Variants in RBFOX1 observed in about 807,000 individuals in gnomAD.
RBFOX1 encodes the protein RNA binding protein fox-1 homolog 1.
In RBFOX1, 8 loss-of-function variants were observed where a neutral mutation model predicts 57.7. That is an observed-to-expected ratio of 0.14 (90% confidence interval 0.08 to 0.25). The LOEUF (loss-of-function observed/expected upper bound fraction) is 0.25, where lower values mean the gene tolerates loss of function less well. RBFOX1 is among the 10% of genes least tolerant of loss of function. RBFOX1 has a pLI of 1.00. For synonymous variants in RBFOX1, 326 were observed against 222.4 expected (o/e 1.47, Z -4.15); for missense variants, 611 against 548.5 (o/e 1.11, Z -1.14).
chr16:6,579,942 A>T (rs1273896651), intron 2 of RBFOX1, among the ~76,000 whole-genome samples: 1 of 151,784 alleles, frequency 6.6e-6, no homozygotes, highest in African/African-American at 2.4e-5. Flanking sequence ...GGACCTGTTC[A>T]TCTTTTTTTT....
At chr16:6,315,841 C>T (rs1434686188) in intron 1 of RBFOX1, among the ~76,000 whole-genome samples, 2 of 152,020 alleles carry the variant, frequency 1.3e-5, no homozygotes, top group Non-Finnish European at 2.9e-5. Context: ...AATTTATCAA[C>T]AAGAGGGGAC....
chr16:7,379,953 C>T (rs1227653144), intron 4 of RBFOX1, among the ~76,000 whole-genome samples: 1 of 152,168 alleles, frequency 6.6e-6, no homozygotes, highest in African/African-American at 2.4e-5. Flanking sequence ...CTCCTGGGTT[C>T]AAGCACAATC....
chr16:6,864,143 G>C (rs939388687), intron 3 of RBFOX1, among the ~76,000 whole-genome samples: 2 of 152,026 alleles, frequency 1.3e-5, no homozygotes, highest in Non-Finnish European at 2.9e-5. Flanking sequence ...GGAAGAAGGA[G>C]GGGTCATTTC....
In RBFOX1 at chr16:6,049,485, A is replaced by G. The variant is rs77083566; in HGVS notation, c.-127+29493A>G. On this transcript the variant is annotated intron_variant, in intron 1 of 15. Transcript: ENST00000550418. Reference sequence around the variant, plus strand: ...CTGGCCACTCTCCCTCTCTAGTCTCATGCTACTAGTCTTAAGCAAATACCA... The same window carrying G: ...CTGGCCACTCTCCCTCTCTAGTCTCGTGCTACTAGTCTTAAGCAAATACCA... Among the ~76,000 whole-genome samples, 13 of 152,292 alleles carry G rather than the reference A, an allele frequency of 8.5e-5. No individual in the cohort carries two copies. In the East Asian group the frequency reaches 2.5e-3, roughly 29 times the overall value.
intron 4 of RBFOX1, among the ~76,000 whole-genome samples, chr16:7,095,200 G>T (rs1479167866): frequency 6.6e-6 from 1 of 152,050 alleles, no homozygotes; most frequent in Non-Finnish European, 1.5e-5. Context: ...GCAGTGGCAC[G>T]ATCTCAGCTC....
intron 4 of RBFOX1, among the ~76,000 whole-genome samples, chr16:5,970,858 C>G (rs545886084): frequency 1.3e-5 from 2 of 152,308 alleles, no homozygotes; most frequent in East Asian, 1.9e-4. Context: ...TTCATTCTCT[C>G]TTAGGATTGG....
At chr16:7,647,087 CTT>C (rs1555711966) in intron 11 of RBFOX1, among the ~76,000 whole-genome samples, 1 of 152,188 alleles carries the variant, frequency 6.6e-6, no homozygotes, top group Non-Finnish European at 1.5e-5. Context: ...CAGCGTGCCT[CTT>C]GTTACATCCC....
At chr16:6,597,633 C>T (rs1003235009) in intron 2 of RBFOX1, among the ~76,000 whole-genome samples, 1 of 152,058 alleles carries the variant, frequency 6.6e-6, no homozygotes, top group Non-Finnish European at 1.5e-5. Flanking sequence ...GAGATAGCAC[C>T]ATTGCACTCC....
At chr16:5,589,191 C>G (rs576528693) in intron 2 of RBFOX1, among the ~76,000 whole-genome samples, 2 of 152,260 alleles carry the variant, frequency 1.3e-5, no homozygotes, top group East Asian at 3.9e-4. Flanking sequence ...CCTATCTGCA[C>G]TTGGCCACAT....
chr16:5,548,435 A>C (rs2045325486), intron 2 of RBFOX1, among the ~76,000 whole-genome samples: 1 of 151,886 alleles, frequency 6.6e-6, no homozygotes, highest in Non-Finnish European at 1.5e-5. Context: ...AAGACCACCT[A>C]TTTGGTAGCA....
chr16:7,285,239 G>C (rs2095626401), intron 4 of RBFOX1, among the ~76,000 whole-genome samples: 1 of 152,002 alleles, frequency 6.6e-6, no homozygotes, highest in African/African-American at 2.4e-5. Context: ...ATAATACAGA[G>C]AGTTCCAATG....
intron 4 of RBFOX1, among the ~76,000 whole-genome samples, chr16:7,073,889 G>A (rs760584975): frequency 6.8e-6 from 1 of 148,024 alleles, no homozygotes; most frequent in Non-Finnish European, 1.5e-5. Context: ...TACTAGATGT[G>A]TAGAAAAGAA....
At chr16:7,580,701 C>T (rs1602398225) in intron 6 of RBFOX1, among the ~76,000 whole-genome samples, 1 of 152,170 alleles carries the variant, frequency 6.6e-6, no homozygotes, top group Admixed American at 6.5e-5. Context: ...GATATCTTCA[C>T]TATCCACTTT....
intron 3 of RBFOX1, among the ~76,000 whole-genome samples, chr16:5,797,979 C>G (rs904038828): frequency 6.6e-6 from 1 of 152,188 alleles, no homozygotes; most frequent in Admixed American, 6.5e-5. Flanking sequence ...TTCTTTCAAA[C>G]AGTATTTGTA....
chr16:5,307,771 T>A (rs929444583), intron 1 of RBFOX1, among the ~76,000 whole-genome samples: 2 of 152,176 alleles, frequency 1.3e-5, no homozygotes, highest in Non-Finnish European at 2.9e-5. Flanking sequence ...AATCCAGGGC[T>A]TAAGCAATCC....
At chr16:5,744,352 A>G (rs893446067) in intron 3 of RBFOX1, among the ~76,000 whole-genome samples, 2 of 152,070 alleles carry the variant, frequency 1.3e-5, no homozygotes, top group African/African-American at 2.4e-5. Context: ...TTATTTATCT[A>G]TTTCCATAGC....
chr16:6,441,656 G>A (rs2094385193), intron 2 of RBFOX1, among the ~76,000 whole-genome samples: 1 of 152,142 alleles, frequency 6.6e-6, no homozygotes, highest in African/African-American at 2.4e-5. Context: ...CACCTCAGGT[G>A]ATCCACCCAC....
At chr16:6,803,351 C>G (rs77964996) in intron 3 of RBFOX1, among the ~76,000 whole-genome samples, 4,409 of 152,230 alleles carry the variant, frequency 0.029, 220 homozygotes, top group African/African-American at 0.098. Flanking sequence ...GAAGTGTTGC[C>G]TCCAGCCGTA....
rs185705372 is a variant in RBFOX1 at position 7,267,332 on chromosome 16, G to A, written c.27+215234G>A. On this transcript the variant is annotated intron_variant, in intron 4 of 15. Transcript: ENST00000550418. ...GGCGGATCACTTGAGGTCGGCAGTTGGAGACCAGCCTGGGCAACATGGCAA... is the reference window on the plus strand; with the variant it reads ...GGCGGATCACTTGAGGTCGGCAGTTAGAGACCAGCCTGGGCAACATGGCAA... Among the ~76,000 whole-genome samples, 243 of 151,182 alleles carry A rather than the reference G, an allele frequency of 1.6e-3. 1 individual carries two copies. Among genetic ancestry groups the A allele is most frequent in the African/African-American group, 5.7e-3 (235 of 41,220 alleles).
Sources: gnomAD v4.1 joint callset for allele counts (sites outside exome capture counted in the v4.1 genomes callset) on GRCh38, gnomAD v4.1.1 for gene constraint, MANE v1.5 for transcripts, NCBI Gene and HGNC (gene_info 2026-07-23, HGNC 2026-07-21) for gene names.